Variants in TMPRSS9 observed in about 807,000 individuals in gnomAD.
The protein encoded by TMPRSS9 is transmembrane serine protease 9.
Under a neutral mutation model 111.4 loss-of-function variants are expected in TMPRSS9, and 113 were observed. The ratio of observed to expected loss-of-function variants is 1.01; its 90% CI spans 0.87 to 1.19. TMPRSS9 has a LOEUF of 1.19. Among genes scored for constraint, TMPRSS9 ranks in the 50% most tolerant of loss-of-function variants. TMPRSS9 has a pLI of 0.00. For synonymous variants in TMPRSS9, 805 were observed against 659.1 expected, an observed-to-expected ratio of 1.22 and a Z score of -3.39; for missense variants, 1,803 against 1,513.1, an observed-to-expected ratio of 1.19 and a Z score of -3.18.
intron 8 of TMPRSS9, among the ~76,000 whole-genome samples, chr19:2,408,918 G>A (rs575636206): frequency 6.6e-6 from 1 of 150,952 alleles, no homozygotes; most frequent in East Asian, 2.0e-4. Flanking sequence ...GAACCCAGGA[G>A]ATGGAGGTTG....
chr19:2,374,978 C>A (rs1347725049), intron 1 of TMPRSS9, among the ~76,000 whole-genome samples: 1 of 152,132 alleles, frequency 6.6e-6, no homozygotes, highest in Non-Finnish European at 1.5e-5. Flanking sequence ...GAAACAGGTC[C>A]CGTGGAGGAG....
chr19:2,363,183 G>A (rs995054880), intron 1 of TMPRSS9, among the ~76,000 whole-genome samples: 3 of 152,306 alleles, frequency 2.0e-5, no homozygotes, highest in Middle Eastern at 3.4e-3. Context: ...GCTGGGTCCC[G>A]TCCCTAAAGA....
At chr19:2,366,070 T>G (rs1970246252) in intron 1 of TMPRSS9, among the ~76,000 whole-genome samples, 1 of 152,084 alleles carries the variant, frequency 6.6e-6, no homozygotes, top group African/African-American at 2.4e-5. Context: ...TTATTGAAAC[T>G]GCTTGGAAAA....
intron 7 of TMPRSS9, among the ~76,000 whole-genome samples, chr19:2,407,212 G>A (rs1168272339): frequency 6.6e-6 from 1 of 151,654 alleles, no homozygotes; most frequent in East Asian, 1.9e-4. Context: ...TCCTGTCTTT[G>A]TTTAAAATGT....
upstream of TMPRSS9, among the ~76,000 whole-genome samples, chr19:2,386,871 G>A: frequency 6.6e-6 from 1 of 150,476 alleles, no homozygotes; most frequent in East Asian, 2.0e-4. Flanking sequence ...ACACGCCTGT[G>A]GTCCCAGCTA....
At chr19:2,416,476 C>G (rs1971233238) in intron 11 of TMPRSS9, 62 bp from the exon 13 acceptor site, 1 of 1,552,196 alleles carries the variant, frequency 6.4e-7, no homozygotes, top group African/African-American at 1.3e-5. Context: ...CAGCCCTGTC[C>G]CTCCCCAAGA....
exon 11 of TMPRSS9, chr19:2,415,707 G>A (rs1227864428): frequency 3.7e-6 from 6 of 1,607,980 alleles, no homozygotes; most frequent in Non-Finnish European, 4.2e-6. Flanking sequence ...AGCCCACCCG[G>A]GTCGTGGGCG....
intron 1 of TMPRSS9, among the ~76,000 whole-genome samples, chr19:2,392,940 CTTT>C (rs1568176356): frequency 6.6e-6 from 1 of 151,968 alleles, no homozygotes; most frequent in African/African-American, 2.4e-5. Context: ...ACTTGGAGAA[CTTT>C]TGTGTCTAGC....
chr19:2,414,720 A>G (rs183288057), intron 10 of TMPRSS9, among the ~76,000 whole-genome samples: 361 of 150,998 alleles, frequency 2.4e-3, no homozygotes, highest in Non-Finnish European at 3.6e-3. Context: ...ACTAAAAATT[A>G]GCTGGGCATG....
Position 2,424,398 on chromosome 19 carries a change from C to T in TMPRSS9, c.2717+141C>T, listed in dbSNP as rs916707763. 11 of 928,458 alleles carry T rather than the reference C, an allele frequency of 1.2e-5. No homozygotes were observed. The African/African-American group carries it at 1.9e-4, about 16-fold the overall frequency. 57.5% of individuals were successfully genotyped at this position (928,458 alleles called of 1,614,324 possible). A position where few individuals can be genotyped will look rare whatever the true frequency, so the allele number is the denominator to read the frequency against. Reference sequence around the variant, plus strand: ...CCGGCTCCCACTGCCCCAGGCCACTCCTCCCACCCCCCATCTCCCCATCCT... The same window carrying T: ...CCGGCTCCCACTGCCCCAGGCCACTTCTCCCACCCCCCATCTCCCCATCCT... On this transcript the variant is annotated intron_variant, in intron 15 of 17. Transcript: ENST00000648592.
At chr19:2,368,774 G>GTTTTTTTTGT (rs1970266113) in intron 1 of TMPRSS9, among the ~76,000 whole-genome samples, 1 of 70,366 alleles carries the variant, frequency 1.4e-5, no homozygotes, top group African/African-American at 6.0e-5. Context: ...GATAAACCCA[G>GTTTTTTTTGT]TTTTTTTTTT....
chr19:2,379,677 C>CTT lies in TMPRSS9; in HGVS notation c.-25-10083_-25-10082insTT, dbSNP rs1240073481. On this transcript the variant is annotated intron_variant, in intron 1 of 17. Coordinates refer to the TMPRSS9 transcript ENST00000649857. The stretch of plus-strand genomic sequence containing the variant: ...TCTTTCTTTCTTTCTTTCTTTCTTT[C>CTT]TCTTTTTCTTTCTTTCCTTCCTTCC... 2.6e-3 allele frequency among the ~76,000 whole-genome samples: 346 copies of CTT among 131,742 alleles called. 1 individual carries two copies. Among genetic ancestry groups the CTT allele is most frequent in the African/African-American group, 8.9e-3 (302 of 33,840 alleles). The allele number at this position is 131,742 out of a possible 152,430, so 86.4% of individuals were successfully genotyped here.
At chr19:2,409,016 A>ATAATAAT (rs1971037248) in intron 8 of TMPRSS9, among the ~76,000 whole-genome samples, 1 of 141,678 alleles carries the variant, frequency 7.1e-6, no homozygotes, top group Admixed American at 7.2e-5. Flanking sequence ...AATAATAATA[A>ATAATAAT]TAATAATAAT....
rs972227350 is a variant in TMPRSS9 at position 2,370,289 on chromosome 19, C to T, written c.-26+9929C>T. 6.6e-5 allele frequency among the ~76,000 whole-genome samples: 10 copies of T among 151,808 alleles called. No homozygotes were observed. In the South Asian group the frequency reaches 1.0e-3, roughly 16 times the overall value. On this transcript the variant is annotated intron_variant, in intron 1 of 17. Transcript: ENST00000649857. Reference sequence around the variant, plus strand: ...CAAAAAAATTAGCCAGGCACAGTGGCGGGAGCCTGTAGTCCCAGATACTCA... The same window carrying T: ...CAAAAAAATTAGCCAGGCACAGTGGTGGGAGCCTGTAGTCCCAGATACTCA...
At chr19:2,409,378 G>A (rs765534056) in intron 8 of TMPRSS9, among the ~76,000 whole-genome samples, 25 of 151,870 alleles carry the variant, frequency 1.6e-4, no homozygotes, top group Admixed American at 3.9e-4. Flanking sequence ...TCCTGACCTC[G>A]TGATCTTCCT....
chr19:2,381,158 C>T (rs1970382150), intron 1 of TMPRSS9, among the ~76,000 whole-genome samples: 1 of 151,982 alleles, frequency 6.6e-6, no homozygotes, highest in Non-Finnish European at 1.5e-5. Flanking sequence ...CGCAGCCAGG[C>T]CTGGCCCATC....
At chr19:2,426,190 G>C (rs1165352183) in exon 18 of TMPRSS9, 9 of 905,008 alleles carry the variant, frequency 9.9e-6, no homozygotes, top group Non-Finnish European at 1.1e-5. Context: ...GACGGGTGTG[G>C]GGGGGCTGTG....
chr19:2,402,433 CTG>C (rs1457256571), intron 5 of TMPRSS9, among the ~76,000 whole-genome samples: 6 of 151,606 alleles, frequency 4.0e-5, no homozygotes, highest in Non-Finnish European at 8.8e-5. Flanking sequence ...CAGAGTGAAA[CTG>C]TGTCTCAAAA....
At chr19:2,414,083 A>G (rs749873917) in intron 10 of TMPRSS9, 65 bp downstream of exon 11, 53 of 1,426,516 alleles carry the variant, frequency 3.7e-5, no homozygotes, top group Non-Finnish European at 4.5e-5. Flanking sequence ...GAGAACGGAT[A>G]TCGTCATAGT....
Sources: allele counts gnomAD v4.1 joint callset (sites outside exome capture counted in the v4.1 genomes callset), GRCh38; gene constraint gnomAD v4.1.1; transcripts MANE v1.5; gene names NCBI Gene and HGNC (gene_info 2026-07-23, HGNC 2026-07-21).